SUN1: variants seen among roughly 807,000 people sequenced by gnomAD.
SUN1 encodes Sad1 and UNC84 domain containing 1.
Under a neutral mutation model 103.2 loss-of-function variants are expected in SUN1, and 61 were observed. That is an observed-to-expected ratio of 0.59 (90% CI 0.48 to 0.73). SUN1 has a LOEUF of 0.73. SUN1 is among the 30% of genes least tolerant of loss of function. The pLI, the probability that SUN1 is intolerant of heterozygous loss-of-function variation, is 0.00. For synonymous variants in SUN1, 490 were observed against 425.7 expected (o/e 1.15, Z -1.86); for missense variants, 1,052 against 1,034.6 (o/e 1.02, Z -0.23).
chr7:847,102 A>G (rs1816581053), intron 5 of SUN1, among the ~76,000 whole-genome samples: 1 of 152,236 alleles, frequency 6.6e-6, no homozygotes, highest in Non-Finnish European at 1.5e-5. Context: ...TACGAAGCAA[A>G]TGGCTGTTTG....
chr7:833,914 G>C (rs1331597150), intron 1 of SUN1, among the ~76,000 whole-genome samples: 4 of 152,216 alleles, frequency 2.6e-5, no homozygotes, highest in Admixed American at 6.5e-5. Flanking sequence ...TATTTTAATA[G>C]AGTTTTTAAA....
At chr7:846,392 T>C (rs963020917) in intron 5 of SUN1, among the ~76,000 whole-genome samples, 2 of 151,960 alleles carry the variant, frequency 1.3e-5, no homozygotes, top group Non-Finnish European at 2.9e-5. Context: ...CAGGGATGAG[T>C]CACCATGCCC....
At chr7:821,231 G>A (rs1785659981) in intron 1 of SUN1, among the ~76,000 whole-genome samples, 1 of 142,628 alleles carries the variant, frequency 7.0e-6, no homozygotes, top group South Asian at 2.3e-4. Flanking sequence ...GTGCAGTGGA[G>A]CGATCTCGGC....
Position 873,254 on chromosome 7 carries a change from C to A in SUN1, c.2281C>A (p.Arg761=). Residue 761 remains arginine, a synonymous_variant, in exon 19 of 19, where the codon CGG becomes AGG. Transcript: ENST00000401592. The part of the protein sequence containing the change: ...DDTAFQIVEL[R]IFSNWGHPEY... ...CACAGCTTTCCAAATAGTGGAACTT[C>A]GGATTTTTTCTAACTGGGGCCATCC... is the stretch of plus-strand genomic sequence containing the variant. 1 of 1,614,090 alleles carries A rather than the reference C, an allele frequency of 6.2e-7. No homozygotes were observed. The highest frequency in any genetic ancestry group is 1.7e-5 in the Admixed American group (1 of 60,006).
At chr7:853,843 G>T (rs1041133681) in intron 10 of SUN1, among the ~76,000 whole-genome samples, 2 of 152,248 alleles carry the variant, frequency 1.3e-5, no homozygotes, top group Admixed American at 6.5e-5. Context: ...TGGAAGTGGT[G>T]GGCGGGAGAC....
intron 1 of SUN1, among the ~76,000 whole-genome samples, chr7:817,863 T>C (rs958832141): frequency 1.3e-5 from 2 of 152,344 alleles, no homozygotes; most frequent in Admixed American, 6.5e-5. Context: ...CTGTTTGGGC[T>C]GGAAGGCTTG....
At chr7:849,896 A>G (rs1820256401) in intron 5 of SUN1, 1 of 1,579,990 alleles carries the variant, frequency 6.3e-7, no homozygotes, top group Non-Finnish European at 8.6e-7. Flanking sequence ...AATCCGCCAC[A>G]CTCACTGCCT....
intron 5 of SUN1, chr7:848,583 A>G: frequency 7.4e-7 from 1 of 1,350,872 alleles, no homozygotes; most frequent in Non-Finnish European, 9.8e-7. Context: ...TGTGAATCCG[A>G]AAGCTATAAG....
chr7:823,359 T>C (rs538934659), intron 1 of SUN1, among the ~76,000 whole-genome samples: 51 of 152,096 alleles, frequency 3.4e-4, no homozygotes, highest in African/African-American at 1.2e-3. Flanking sequence ...GGCTTCCTGG[T>C]GGTGGTATCT....
rs773780772 is a variant in SUN1 at position 857,914 on chromosome 7, A to T, written c.1481A>T (p.His494Leu). ...AAGTCAGAGCTGTCCAGCTGGCGAC[A>T]CGTGAAGACCGGCTGTGAGACAGTG... ...QLKSELSSWR[H>L]VKTGCETVDA... The change falls in exon 13 of 19, where the codon CAC becomes CTC. Residue 494 changes from histidine (H) to leucine (L), a missense_variant. Coordinates refer to ENST00000401592, the MANE Select transcript of SUN1 (RefSeq NM_001130965.3). 6.2e-7 allele frequency: 1 copy of T among 1,601,788 alleles called. No individual in the cohort carries two copies. Among genetic ancestry groups the T allele is most frequent in the Non-Finnish European group, 8.5e-7 (1 of 1,170,046 alleles).
At chr7:851,343 C>A in intron 5 of SUN1, 41 bp from the exon 6 acceptor site, 2 of 1,530,370 alleles carry the variant, frequency 1.3e-6, no homozygotes, top group Non-Finnish European at 8.9e-7. Flanking sequence ...GAGGCTGGTC[C>A]CTGGCGTCTG....
chr7:821,156 ATCTTTTTT>A, intron 1 of SUN1, among the ~76,000 whole-genome samples: 1 of 122,138 alleles, frequency 8.2e-6, no homozygotes, highest in Admixed American at 8.5e-5. Flanking sequence ...TATTCAGCAC[ATCTTTTTT>A]TTTTTTTTTT....
intron 15 of SUN1, among the ~76,000 whole-genome samples, chr7:863,749 T>G (rs1834110229): frequency 6.6e-6 from 1 of 152,308 alleles, no homozygotes; most frequent in South Asian, 2.1e-4. Flanking sequence ...GACACCAGGC[T>G]CAATCGGATG....
intron 1 of SUN1, chr7:833,169 A>C (rs139742206): frequency 6.6e-6 from 1 of 152,512 alleles, no homozygotes; most frequent in African/African-American, 2.4e-5. Flanking sequence ...GCGTTTGATG[A>C]CATTACGGGT....
intron 15 of SUN1, among the ~76,000 whole-genome samples, chr7:864,509 G>A (rs182997350): frequency 3.4e-5 from 5 of 144,956 alleles, no homozygotes; most frequent in African/African-American, 7.7e-5. Context: ...AGCCGAGATC[G>A]TACCATTGCA....
chr7:824,839 C>T (rs1789921000), intron 1 of SUN1, among the ~76,000 whole-genome samples: 1 of 151,716 alleles, frequency 6.6e-6, no homozygotes, highest in Non-Finnish European at 1.5e-5. Flanking sequence ...TGCTGGGAGG[C>T]AGTCCAGAGC....
chr7:860,922 C>A (rs992506349), intron 14 of SUN1, among the ~76,000 whole-genome samples: 1 of 152,144 alleles, frequency 6.6e-6, no homozygotes, highest in African/African-American at 2.4e-5. Flanking sequence ...GGGAGAAACC[C>A]CCACCATGAC....
chr7:821,149 T>G (rs187934315), intron 1 of SUN1, among the ~76,000 whole-genome samples: 2 of 148,796 alleles, frequency 1.3e-5, no homozygotes, highest in Non-Finnish European at 3.0e-5. Context: ...ACATCTATAT[T>G]CAGCACATCT....
chr7:866,991 A>G (rs10950832), intron 16 of SUN1, among the ~76,000 whole-genome samples: 128,588 of 152,144 alleles, frequency 0.85, 54,967 homozygotes, highest in East Asian at 1. Flanking sequence ...TTGAAGAAAA[A>G]TCCAATAATT....
Sources: gnomAD v4.1 joint callset for allele counts (sites outside exome capture counted in the v4.1 genomes callset) on GRCh38, gnomAD v4.1.1 for gene constraint, MANE v1.5 for transcripts, NCBI Gene and HGNC (gene_info 2026-07-23, HGNC 2026-07-21) for gene names.